Variants in TDRD1 observed in about 807,000 individuals in gnomAD.
TDRD1 encodes the protein tudor domain containing 1, also known as tudor domain-containing protein 1.
TDRD1 carries 37 observed loss-of-function variants against 140.6 expected under a neutral mutation model. The ratio of observed to expected loss-of-function variants is 0.26; its 90% CI spans 0.20 to 0.35. The LOEUF (loss-of-function observed/expected upper bound fraction) is 0.35. Ranked by LOEUF, TDRD1 falls within the 10% of genes least tolerant of loss-of-function variation. TDRD1 has a pLI of 1.00. For synonymous variants in TDRD1, 506 were observed against 475.7 expected, an observed-to-expected ratio of 1.06 and a Z score of -0.83; for missense variants, 1,243 against 1,393.0, an observed-to-expected ratio of 0.89 and a Z score of 1.71.
At chr10:114,209,400 T>G (rs1028190674) in intron 11 of TDRD1, among the ~76,000 whole-genome samples, 1 of 152,208 alleles carries the variant, frequency 6.6e-6, no homozygotes, top group African/African-American at 2.4e-5. Context: ...TACTCCAGTT[T>G]AGTGCTCTTT....
chr10:114,218,656 C>A, intron 18 of TDRD1, 72 bp downstream of exon 18: 1 of 1,045,024 alleles, frequency 9.6e-7, no homozygotes, highest in Non-Finnish European at 1.4e-6. Flanking sequence ...TTAATATCTA[C>A]AATGTTAACA....
rs11196659 is a variant in TDRD1, at chr10:114,226,835, A to G, written c.3176-237A>G. Among the ~76,000 whole-genome samples, 35 of 152,312 alleles carry G rather than the reference A, an allele frequency of 2.3e-4. No individual in the cohort carries two copies. The East Asian group carries it at 6.2e-3, about 27-fold the overall frequency. Reference sequence around the variant, plus strand: ...TTTCTCCTGTTGGAATATATGAAGGACAGATGTGTCTGTTTCGTGCCCTCT... The same window carrying G: ...TTTCTCCTGTTGGAATATATGAAGGGCAGATGTGTCTGTTTCGTGCCCTCT... On this transcript the variant is annotated intron_variant, in intron 22 of 25. Transcript: ENST00000251864.
intron 22 of TDRD1, among the ~76,000 whole-genome samples, chr10:114,226,711 C>T (rs564053480): frequency 1.3e-5 from 2 of 152,308 alleles, no homozygotes; most frequent in South Asian, 2.1e-4. Flanking sequence ...TTTTTACTGT[C>T]GCTCCTGATG....
exon 12 of TDRD1, chr10:114,210,734 A>G (rs1296032133): frequency 6.2e-7 from 1 of 1,610,334 alleles, no homozygotes. Flanking sequence ...TTTTGTCAAC[A>G]ACTGCAAAGT....
rs1444758580 is a variant in TDRD1 at position 114,204,262 on chromosome 10, G to A, written c.1125+46G>A. On this transcript the variant is annotated intron_variant, in intron 9 of 25. Transcript: ENST00000251864. Reference sequence around the variant, plus strand: ...AGATTTTTAATAGTGTCCCAAAGGAGCTGTTGTCAATGTTTTGATGGGCAC... The same window carrying A: ...AGATTTTTAATAGTGTCCCAAAGGAACTGTTGTCAATGTTTTGATGGGCAC... The A allele has an allele frequency of 1.9e-6, 3 of 1,543,734 alleles. No individual in the cohort carries two copies. In the African/African-American group the frequency reaches 4.2e-5, roughly 21 times the overall value.
intron 16 of TDRD1, among the ~76,000 whole-genome samples, chr10:114,215,230 T>C (rs1287977421): frequency 6.6e-6 from 1 of 152,224 alleles, no homozygotes; most frequent in Non-Finnish European, 1.5e-5. Context: ...TGTTCCATTG[T>C]ATGTTACATG....
intron 4 of TDRD1, 88 bp downstream of exon 4, chr10:114,199,405 T>C (rs1440948772): frequency 6.7e-7 from 1 of 1,489,250 alleles, no homozygotes; most frequent in African/African-American, 1.4e-5. Flanking sequence ...ACATTAAGTG[T>C]AATTAGAACA....
chr10:114,214,059 G>A lies in TDRD1; in HGVS notation c.2157G>A (p.Val719=), dbSNP rs188734113. ...GTGTTGACCAAACAGTAGATGTTGT[G>A]GTCTGTGTGATATATAGTCCTGGAG... Residue 719 remains valine, a synonymous_variant, in exon 16 of 26, where the codon GTG becomes GTA. Coordinates refer to ENST00000251864, the Ensembl canonical transcript of TDRD1. 25 of 1,613,400 alleles carry A rather than the reference G, an allele frequency of 1.5e-5. No individual in the cohort carries two copies. The Admixed American group carries it at 2.5e-4, about 16-fold the overall frequency.
In TDRD1 at chr10:114,204,231, C is replaced by A; in HGVS notation, c.1125+15C>A. ...TTCCTCCTTGTGTGAGTCTCTTTTACTTTCTAGATTTTTAATAGTGTCCCA... is the reference window on the plus strand; with the variant it reads ...TTCCTCCTTGTGTGAGTCTCTTTTAATTTCTAGATTTTTAATAGTGTCCCA... On this transcript the variant is annotated intron_variant, in intron 9 of 25. Coordinates refer to ENST00000251864, the Ensembl canonical transcript of TDRD1. 6.4e-7 allele frequency: 1 copy of A among 1,572,800 alleles called. No homozygotes were observed. Among genetic ancestry groups the A allele is most frequent in the Non-Finnish European group, 8.6e-7 (1 of 1,167,926 alleles).
intron 3 of TDRD1, among the ~76,000 whole-genome samples, chr10:114,197,805 G>A (rs1262003184): frequency 6.6e-6 from 1 of 151,926 alleles, no homozygotes; most frequent in Admixed American, 6.6e-5. Flanking sequence ...TTATGGGCAC[G>A]TGCCACCATG....
intron 1 of TDRD1, among the ~76,000 whole-genome samples, chr10:114,186,409 A>C (rs1400618234): frequency 6.6e-6 from 1 of 151,648 alleles, no homozygotes; most frequent in Admixed American, 6.6e-5. Context: ...GACTACAGGC[A>C]CCCGCCACCA....
chr10:114,185,066 T>C (rs1485782179), intron 1 of TDRD1, among the ~76,000 whole-genome samples: 6 of 152,248 alleles, frequency 3.9e-5, no homozygotes, highest in Non-Finnish European at 8.8e-5. Flanking sequence ...AGTAGTTGTC[T>C]AAGATAGATG....
intron 9 of TDRD1, 94 bp downstream of exon 9, chr10:114,204,310 C>T: frequency 7.6e-7 from 1 of 1,315,158 alleles, no homozygotes; most frequent in Non-Finnish European, 1.0e-6. Flanking sequence ...TTCTATTCTG[C>T]TGTGTTACTG....
At chr10:114,232,539 G>A (rs578090649), downstream of TDRD1, among the ~76,000 whole-genome samples, 7 of 96,172 alleles carry the variant, frequency 7.3e-5, no homozygotes, top group South Asian at 2.2e-3. Flanking sequence ...TGCTTTTACT[G>A]GCAATGTACG....
At chr10:114,175,947 T>C (rs188716406), upstream of TDRD1, among the ~76,000 whole-genome samples, 1 of 152,306 alleles carries the variant, frequency 6.6e-6, no homozygotes, top group East Asian at 1.9e-4. Context: ...GCAAACTGAA[T>C]GTCAATCAAA....
intron 21 of TDRD1, among the ~76,000 whole-genome samples, chr10:114,223,532 G>A (rs2036267329): frequency 6.6e-6 from 1 of 152,232 alleles, no homozygotes; most frequent in Non-Finnish European, 1.5e-5. Flanking sequence ...GGGAGCACAA[G>A]TTGGGGACCT....
intron 3 of TDRD1, among the ~76,000 whole-genome samples, chr10:114,196,662 T>C (rs192733305): frequency 6.6e-6 from 1 of 151,904 alleles, no homozygotes; most frequent in East Asian, 1.9e-4. Context: ...TTTTAAAAAT[T>C]TCCCCCCCCA....
chr10:114,220,841 A>G lies in TDRD1; in HGVS notation c.2768A>G (p.Gln923Arg), dbSNP rs1368902860. The G allele has an allele frequency of 1.9e-6, 3 of 1,601,990 alleles. No individual in the cohort carries two copies. In the African/African-American group the frequency reaches 4.0e-5, roughly 22 times the overall value. ...CTTCAAGTTCATGTACAGGGACTTC[A>G]AGGTAACATTTTAAAACCATTTATT... Residue 923 changes from glutamine (Q) to arginine (R), a missense_variant and splice_region_variant, in exon 19 of 26, where the codon CAA becomes CGA. Coordinates refer to ENST00000251864, the Ensembl canonical transcript of TDRD1.
At chr10:114,222,240 TA>T (rs2133168463) in intron 20 of TDRD1, among the ~76,000 whole-genome samples, 1 of 152,342 alleles carries the variant, frequency 6.6e-6, no homozygotes, top group East Asian at 1.9e-4. Flanking sequence ...AGGATAATTT[TA>T]TTAAGTATAA....
Sources: gnomAD v4.1 joint callset for allele counts (sites outside exome capture counted in the v4.1 genomes callset) on GRCh38, gnomAD v4.1.1 for gene constraint, MANE v1.5 for transcripts, NCBI Gene and HGNC (gene_info 2026-07-23, HGNC 2026-07-21) for gene names.